RBFOX1: variants seen among roughly 807,000 people sequenced by gnomAD.
RBFOX1 encodes the protein RNA binding fox-1 homolog 1, also known as RNA binding protein fox-1 homolog 1.
A neutral mutation model predicts 57.7 loss-of-function variants in RBFOX1; 8 were observed. The ratio of observed to expected loss-of-function variants is 0.14; its 90% CI spans 0.08 to 0.25. The LOEUF is 0.25. Ranked by LOEUF, RBFOX1 falls within the 10% of genes least tolerant of loss-of-function variation. RBFOX1 has a pLI of 1.00. For synonymous variants in RBFOX1, 326 were observed against 222.4 expected (o/e 1.47, Z -4.15); for missense variants, 611 against 548.5 (o/e 1.11, Z -1.14).
At chr16:7,706,779 T>C (rs984641218) in intron 14 of RBFOX1, among the ~76,000 whole-genome samples, 7 of 152,170 alleles carry the variant, frequency 4.6e-5, no homozygotes, top group African/African-American at 1.4e-4. Context: ...ATCACAGACT[T>C]CATTCCCTCA....
intron 3 of RBFOX1, among the ~76,000 whole-genome samples, chr16:5,718,256 C>G (rs561401349): frequency 1.3e-5 from 2 of 152,316 alleles, no homozygotes; most frequent in East Asian, 1.9e-4. Flanking sequence ...TATTAAGAAT[C>G]CATGTGGAGC....
chr16:7,203,101 C>T (rs1326025088), intron 4 of RBFOX1, among the ~76,000 whole-genome samples: 2 of 152,148 alleles, frequency 1.3e-5, no homozygotes, highest in African/African-American at 2.4e-5. Context: ...AATGTTTTTA[C>T]ACTCATATTC....
chr16:7,036,742 AAAAG>A (rs377133280), intron 3 of RBFOX1, among the ~76,000 whole-genome samples: 1,408 of 121,852 alleles, frequency 0.012, 28 homozygotes, highest in African/African-American at 0.035. Flanking sequence ...AAGAAAAAAA[AAAAG>A]AAAGAATTCA....
intron 4 of RBFOX1, among the ~76,000 whole-genome samples, chr16:7,246,460 A>G (rs1482638429): frequency 6.6e-6 from 1 of 151,742 alleles, no homozygotes; most frequent in Non-Finnish European, 1.5e-5. Flanking sequence ...ATTAAATCAA[A>G]CTCGTTGTTT....
intron 4 of RBFOX1, among the ~76,000 whole-genome samples, chr16:5,970,236 C>T (rs1004752921): frequency 2.8e-4 from 42 of 152,116 alleles, no homozygotes; most frequent in African/African-American, 9.6e-4. Flanking sequence ...TTTGTTGTTT[C>T]TCATAGATGT....
chr16:7,695,302 T>C (rs557172822), intron 14 of RBFOX1, among the ~76,000 whole-genome samples: 4 of 152,318 alleles, frequency 2.6e-5, no homozygotes, highest in South Asian at 2.1e-4. Flanking sequence ...ACCTTGCTCA[T>C]AGAGCGAAAA....
chr16:5,988,421 A>G (rs907682734), intron 4 of RBFOX1, among the ~76,000 whole-genome samples: 1 of 152,162 alleles, frequency 6.6e-6, no homozygotes, highest in East Asian at 1.9e-4. Flanking sequence ...CTTTAATATA[A>G]TTTTATTTAC....
At chr16:6,550,444 G>A (rs1203823689) in intron 2 of RBFOX1, among the ~76,000 whole-genome samples, 5 of 152,108 alleles carry the variant, frequency 3.3e-5, no homozygotes, top group Non-Finnish European at 5.9e-5. Context: ...GTTCACCTAG[G>A]CCTCCCAAAG....
intron 2 of RBFOX1, among the ~76,000 whole-genome samples, chr16:6,396,520 G>T (rs531268480): frequency 4.6e-5 from 7 of 152,238 alleles, no homozygotes; most frequent in African/African-American, 1.4e-4. Context: ...TATAAAAGAG[G>T]CTCTAGGGGA....
At chr16:5,764,487 C>G (rs1269952558) in intron 3 of RBFOX1, among the ~76,000 whole-genome samples, 1 of 151,944 alleles carries the variant, frequency 6.6e-6, no homozygotes, top group Non-Finnish European at 1.5e-5. Context: ...TATAAATTAC[C>G]CAGGCTCAGG....
chr16:6,773,075 G>C, intron 3 of RBFOX1, among the ~76,000 whole-genome samples: 2 of 142,100 alleles, frequency 1.4e-5, no homozygotes, highest in African/African-American at 2.7e-5. Context: ...ATTTGTGTGT[G>C]TATATGTATG....
At chr16:6,104,445 A>G (rs1375140277) in intron 1 of RBFOX1, among the ~76,000 whole-genome samples, 1 of 152,254 alleles carries the variant, frequency 6.6e-6, no homozygotes, top group Non-Finnish European at 1.5e-5. Flanking sequence ...TATAATTTAT[A>G]TAACATAAAA....
chr16:7,218,548 C>G (rs1036986824), intron 4 of RBFOX1, among the ~76,000 whole-genome samples: 4 of 151,510 alleles, frequency 2.6e-5, no homozygotes, highest in African/African-American at 9.7e-5. Flanking sequence ...AGTAATTGAG[C>G]TGAGAAAGAG....
intron 4 of RBFOX1, among the ~76,000 whole-genome samples, chr16:7,276,617 G>T (rs990474234): frequency 6.6e-6 from 1 of 152,126 alleles, no homozygotes; most frequent in South Asian, 2.1e-4. Context: ...CTCTGGAAGA[G>T]ACCAGAATTT....
At chr16:6,183,486 TTAAATAAATAAATAAATAAA>T (rs71142688) in intron 1 of RBFOX1, among the ~76,000 whole-genome samples, 1 of 140,864 alleles carries the variant, frequency 7.1e-6, no homozygotes, top group South Asian at 2.3e-4. Context: ...TCTAAAAAAA[TTAAATAAATAAATAAATAAA>T]TAAATAAATA....
chr16:6,998,998 A>G (rs997200033), intron 3 of RBFOX1, among the ~76,000 whole-genome samples: 1 of 151,272 alleles, frequency 6.6e-6, no homozygotes, highest in African/African-American at 2.4e-5. Flanking sequence ...CATCCTGAGT[A>G]GCTGGAATTA....
intron 1 of RBFOX1, among the ~76,000 whole-genome samples, chr16:5,317,699 ATGTT>A (rs1277492156): frequency 9.9e-5 from 15 of 152,132 alleles, no homozygotes; most frequent in Non-Finnish European, 1.9e-4. Flanking sequence ...TACTCAAGAA[ATGTT>A]TGTTTTCTTT....
intron 7 of RBFOX1, among the ~76,000 whole-genome samples, chr16:7,593,661 T>A (rs1230268812): frequency 6.9e-6 from 1 of 145,186 alleles, no homozygotes; most frequent in East Asian, 2.1e-4. Flanking sequence ...TCCACTTACA[T>A]GTGAATTTTT....
In RBFOX1 at chr16:6,429,693, A is replaced by G. The variant is rs142509710; in HGVS notation, c.-64+112636A>G. 7.5e-4 allele frequency among the ~76,000 whole-genome samples: 114 copies of G among 152,310 alleles called. 2 individuals are homozygous for G. The East Asian group carries it at 0.019, about 26-fold the overall frequency. Reference sequence around the variant, plus strand: ...CTTCTCATGGGAGTGAATAAGTCTCATGAGATCTGATGGTTTTATAAATGG... The same window carrying G: ...CTTCTCATGGGAGTGAATAAGTCTCGTGAGATCTGATGGTTTTATAAATGG... On this transcript the variant is annotated intron_variant, in intron 2 of 15. Transcript: ENST00000550418.
Sources: gnomAD v4.1 joint callset for allele counts (sites outside exome capture counted in the v4.1 genomes callset) on GRCh38, gnomAD v4.1.1 for gene constraint, MANE v1.5 for transcripts, NCBI Gene and HGNC (gene_info 2026-07-23, HGNC 2026-07-21) for gene names.